The following CCDC152 variants were observed in gnomAD, a reference collection of about 807,000 sequenced individuals.
CCDC152 encodes the protein coiled-coil domain-containing protein 152.
CCDC152 carries 37 observed loss-of-function variants against 38.1 expected under a neutral mutation model. The ratio of observed to expected loss-of-function variants is 0.97; its 90% confidence interval spans 0.75 to 1.28. The LOEUF is 1.28. Among genes scored for constraint, CCDC152 ranks in the 50% most tolerant of loss-of-function variants. CCDC152 has a pLI of 0.00. For missense variants in CCDC152, 259 were observed against 292.1 expected, an observed-to-expected ratio of 0.89 and a Z score of 0.83; for synonymous variants, 83 against 87.1, an observed-to-expected ratio of 0.95 and a Z score of 0.26.
chr5:42,769,226 C>T lies in CCDC152; in HGVS notation c.194-371C>T, dbSNP rs6865685. Among the ~76,000 whole-genome samples the T allele has an allele frequency of 9.2e-3, 1,382 of 150,466 alleles. 21 individuals carry two copies. The highest frequency in any genetic ancestry group is 0.032 in the African/African-American group (1,317 of 40,816). On this transcript the variant is annotated intron_variant, in intron 3 of 8. Coordinates refer to ENST00000361970, the MANE Select transcript of CCDC152 (RefSeq NM_001134848.2). ...TCGTGCCACTGCACTTCAGCCTGGA[C>T]GACAGGGCAAGACTCTGTCTCAAAA...
At chr5:42,790,514 T>C (rs1759984847) in intron 6 of CCDC152, among the ~76,000 whole-genome samples, 1 of 152,178 alleles carries the variant, frequency 6.6e-6, no homozygotes, top group African/African-American at 2.4e-5. Context: ...ATGAGTTAAT[T>C]TGGGTCCTCT....
chr5:42,775,342 A>G (rs1478147455), intron 4 of CCDC152, among the ~76,000 whole-genome samples: 2 of 152,198 alleles, frequency 1.3e-5, no homozygotes, highest in East Asian at 1.9e-4. Flanking sequence ...TTATTTACCT[A>G]TAGAGGACCA....
rs1442972378 is a variant in CCDC152 at position 42,799,416 on chromosome 5, A to G, written c.600A>G (p.Ser200=). The G allele has an allele frequency of 7.8e-6, 12 of 1,546,336 alleles. No homozygotes were observed. Among genetic ancestry groups the G allele is most frequent in the South Asian group, 1.2e-5 (1 of 82,884 alleles). Residue 200 remains serine, a synonymous_variant, in exon 8 of 9, where the codon TCA becomes TCG. Transcript: ENST00000361970. ...KLARVQTKSK[S]YQDSTVLPQS... is the part of the protein sequence containing the mutation. ...CAAGAGTTCAGACTAAATCAAAATC[A>G]TATCAGGATTCTACTGTTTTGCCAC...
rs1760216629 is a variant in CCDC152 at position 42,801,997 on chromosome 5, T to C, written c.*2216T>C. On this transcript the variant is annotated 3_prime_UTR_variant, in exon 9 of 9. Coordinates refer to ENST00000361970, the MANE Select transcript of CCDC152 (RefSeq NM_001134848.2). Reference sequence around the variant, plus strand: ...TGTGTCAACGGTGCATCTTATCTAATACTATATGATACTGTAATCTAATAT... The same window carrying C: ...TGTGTCAACGGTGCATCTTATCTAACACTATATGATACTGTAATCTAATAT... The C allele has an allele frequency of 6.6e-6, 1 of 152,188 alleles. No homozygotes were observed. Among genetic ancestry groups the C allele is most frequent in the Non-Finnish European group, 1.5e-5 (1 of 68,034 alleles). The allele number at this position is 152,188 out of a possible 1,614,324, so 9.4% of individuals were successfully genotyped here.
intron 6 of CCDC152, among the ~76,000 whole-genome samples, chr5:42,793,223 A>G (rs970223228): frequency 5.9e-5 from 9 of 152,206 alleles, no homozygotes; most frequent in Admixed American, 2.6e-4. Context: ...TGTTTATACA[A>G]CATTCTTGAA....
At position 42,800,513 on chromosome 5, in the gene CCDC152, C is replaced by T. The variant is rs1760158872; in HGVS notation, c.*732C>T. On this transcript the variant is annotated 3_prime_UTR_variant, in exon 9 of 9. Coordinates refer to ENST00000361970, the MANE Select transcript of CCDC152 (RefSeq NM_001134848.2). ...CATATTAACCAAAAGCTGCAATCAC[C>T]TTTCAGTTGCTCCATCATAAAAAAT... 1 of 556,902 alleles carries T rather than the reference C, an allele frequency of 1.8e-6. No individual in the cohort carries two copies. The highest frequency in any genetic ancestry group is 3.6e-5 in the Admixed American group (1 of 27,474). The allele number at this position is 556,902 out of a possible 1,614,324, so 34.5% of individuals were successfully genotyped here.
At chr5:42,767,641 T>C (rs1400185841) in intron 3 of CCDC152, among the ~76,000 whole-genome samples, 2 of 152,246 alleles carry the variant, frequency 1.3e-5, no homozygotes, top group Non-Finnish European at 2.9e-5. Context: ...TAGTGAATGG[T>C]ATTCTCGTGA....
chr5:42,764,860 G>A (rs925109648), intron 3 of CCDC152, among the ~76,000 whole-genome samples: 1 of 152,160 alleles, frequency 6.6e-6, no homozygotes, highest in Non-Finnish European at 1.5e-5. Context: ...CTAAGATCTG[G>A]AACATGACAA....
chr5:42,784,916 G>T (rs1759898896), intron 6 of CCDC152, among the ~76,000 whole-genome samples: 1 of 151,968 alleles, frequency 6.6e-6, no homozygotes, highest in Non-Finnish European at 1.5e-5. Context: ...TTTGTTGCAG[G>T]TGTGTGGCTT....
rs538470558 is a variant in CCDC152 at position 42,759,609 on chromosome 5, A to C, written c.87+401A>C. ...TTTTAAATTCTGCACCATTCTGAGT[A>C]GCACGGTGAAATCTTCCATTGTCTC... On this transcript the variant is annotated intron_variant, in intron 2 of 8. Transcript: ENST00000361970. 2.0e-5 allele frequency among the ~76,000 whole-genome samples: 3 copies of C among 152,374 alleles called. No individual in the cohort carries two copies. The East Asian group carries it at 5.8e-4, about 29-fold the overall frequency.
rs181104358 is a variant in CCDC152, at chr5:42,801,387, G to A, written c.*1606G>A. 2.7e-5 allele frequency: 35 copies of A among 1,291,618 alleles called. No homozygotes were observed. The highest frequency in any genetic ancestry group is 4.6e-5 in the East Asian group (2 of 43,042). 80.0% of individuals were successfully genotyped at this position (1,291,618 alleles called of 1,614,324 possible). A position where few individuals can be genotyped will look rare whatever the true frequency, so the allele number is the denominator to read the frequency against. ...AAGCTTATAGAGATAGGAATAATGC[G>A]TGAAAAATGATTTGTAGAGCTAACA... On this transcript the variant is annotated 3_prime_UTR_variant, in exon 9 of 9. Transcript: ENST00000361970.
rs548297660 is a variant in CCDC152, at chr5:42,775,296, A to G, written c.263-4162A>G. 2.6e-5 allele frequency among the ~76,000 whole-genome samples: 4 copies of G among 152,282 alleles called. No homozygotes were observed. The South Asian group carries it at 8.3e-4, about 32-fold the overall frequency. On this transcript the variant is annotated intron_variant, in intron 4 of 8. Coordinates refer to ENST00000361970, the MANE Select transcript of CCDC152 (RefSeq NM_001134848.2). ...GTCATATTCAAACTGTAGAAAATAA[A>G]AAACAAAGAAAAAATTTTGAAACAA...
chr5:42,797,800 T>TG (rs1561280873), intron 7 of CCDC152, among the ~76,000 whole-genome samples: 1 of 152,082 alleles, frequency 6.6e-6, no homozygotes, highest in East Asian at 1.9e-4. Context: ...ATTTTTTTTT[T>TG]AAGGGACTTC....
chr5:42,786,725 T>C (rs1362349095), intron 6 of CCDC152, among the ~76,000 whole-genome samples: 1 of 152,080 alleles, frequency 6.6e-6, no homozygotes, highest in Non-Finnish European at 1.5e-5. Flanking sequence ...TTCTGGCTCA[T>C]TTAGGTGCAA....
At chr5:42,783,671 G>GCAATATTAT (rs1759878420) in intron 6 of CCDC152, 95 bp downstream of exon 6, 1 of 457,766 alleles carries the variant, frequency 2.2e-6, no homozygotes. Context: ...CTGGTGTTTG[G>GCAATATTAT]GCTTCTAGTG....
At chr5:42,764,389 A>AGAG (rs1333521744) in intron 3 of CCDC152, among the ~76,000 whole-genome samples, 1 of 152,100 alleles carries the variant, frequency 6.6e-6, no homozygotes, top group South Asian at 2.1e-4. Context: ...TCTGAAAAAC[A>AGAG]GAGGAGGAGG....
Position 42,800,218 on chromosome 5 carries a change from T to A in CCDC152, c.*437T>A, listed in dbSNP as rs1561281883. 1 of 157,344 alleles carries A rather than the reference T, an allele frequency of 6.4e-6. No homozygotes were observed. Among genetic ancestry groups the A allele is most frequent in the Non-Finnish European group, 1.4e-5 (1 of 71,410 alleles). 9.7% of individuals were successfully genotyped at this position (157,344 alleles called of 1,614,324 possible). ...AAGATAAATGGATATTTAAAATAGT[T>A]ATATATGCTTTTTTAGCAAAATATT... On this transcript the variant is annotated 3_prime_UTR_variant, in exon 9 of 9. Transcript: ENST00000361970.
intron 2 of CCDC152, 40 bp downstream of exon 2, chr5:42,759,248 C>A (rs1194468801): frequency 7.9e-7 from 1 of 1,264,356 alleles, no homozygotes; most frequent in Non-Finnish European, 1.1e-6. Flanking sequence ...TATAGGGATA[C>A]ATGGAACAGA....
intron 8 of CCDC152, 89 bp from the exon 9 acceptor site, chr5:42,799,570 T>G (rs1156241069): frequency 8.6e-7 from 1 of 1,166,344 alleles, no homozygotes; most frequent in Non-Finnish European, 1.2e-6. Flanking sequence ...AAAATACCAA[T>G]AGCAGAAGTG....
Sources: gnomAD v4.1 joint callset for allele counts (sites outside exome capture counted in the v4.1 genomes callset) on GRCh38, gnomAD v4.1.1 for gene constraint, MANE v1.5 for transcripts, NCBI Gene and HGNC (gene_info 2026-07-23, HGNC 2026-07-21) for gene names.